The following RBPMS variants were observed in gnomAD, a reference collection of about 807,000 sequenced individuals.
The protein encoded by RBPMS is RNA binding protein, mRNA processing factor.
RBPMS carries 7 observed loss-of-function variants against 26.8 expected under a neutral mutation model. That is an observed-to-expected ratio of 0.26 (90% CI 0.15 to 0.49). The LOEUF (loss-of-function observed/expected upper bound fraction) is 0.49, where lower values mean the gene tolerates loss of function less well. Among genes scored for constraint, RBPMS ranks in the 20% least tolerant of loss-of-function variants. RBPMS has a pLI of 0.98. For missense variants in RBPMS, 186 were observed against 250.0 expected (o/e 0.74, Z 1.73); for synonymous variants, 96 against 93.3 (o/e 1.03, Z -0.17).
chr8:30,490,143 G>T (rs565676543), intron 4 of RBPMS, among the ~76,000 whole-genome samples: 2 of 152,176 alleles, frequency 1.3e-5, no homozygotes, highest in South Asian at 4.2e-4. Context: ...TAATTTTGGT[G>T]GAACCTCAAA....
At chr8:30,430,547 C>T (rs1357418951) in intron 1 of RBPMS, among the ~76,000 whole-genome samples, 1 of 152,130 alleles carries the variant, frequency 6.6e-6, no homozygotes, top group Non-Finnish European at 1.5e-5. Context: ...TATCAAAGAA[C>T]AAAAATGCAG....
At chr8:30,565,250 T>C (rs1827805547) in intron 7 of RBPMS, 2 of 152,226 alleles carry the variant, frequency 1.3e-5, no homozygotes, top group African/African-American at 4.8e-5. Flanking sequence ...GAAGGTAGTC[T>C]TCAGGCTCAC....
intron 7 of RBPMS, chr8:30,561,814 C>A: frequency 3.1e-6 from 3 of 972,236 alleles, no homozygotes; most frequent in Non-Finnish European, 3.7e-6. Context: ...GGGCTTTTTT[C>A]CCCTTAAGAA....
At chr8:30,465,369 G>T (rs1816381814) in intron 1 of RBPMS, among the ~76,000 whole-genome samples, 2 of 152,200 alleles carry the variant, frequency 1.3e-5, no homozygotes, top group African/African-American at 4.8e-5. Context: ...GTGTTCACAT[G>T]TGCAGACACT....
At chr8:30,544,765 A>G (rs750288584) in intron 6 of RBPMS, 141 bp downstream of exon 6, 3 of 1,597,032 alleles carry the variant, frequency 1.9e-6, no homozygotes, top group Non-Finnish European at 2.5e-6. Flanking sequence ...CCTCTAAATC[A>G]AGCTGACACT....
intron 6 of RBPMS, among the ~76,000 whole-genome samples, chr8:30,557,566 C>T (rs758237277): frequency 3.9e-4 from 59 of 152,166 alleles, no homozygotes; most frequent in Non-Finnish European, 6.8e-4. Context: ...GCCTCCCAGA[C>T]CCCCCTGCAC....
chr8:30,567,360 C>T (rs1190502015), intron 8 of RBPMS, among the ~76,000 whole-genome samples: 4 of 152,208 alleles, frequency 2.6e-5, no homozygotes, highest in Non-Finnish European at 5.9e-5. Flanking sequence ...AGAGCTTTCC[C>T]ACAGGAAGCC....
rs563916935 is a variant in RBPMS, at chr8:30,556,070, G to A, written c.529-2817G>A. On this transcript the variant is annotated intron_variant, in intron 6 of 8. Transcript: ENST00000397323. The stretch of plus-strand genomic sequence containing the variant: ...CGGAGCCTCTCAGGCTGGAAGAGGA[G>A]GCAGCCGTGGGTGTCTGTGGATGCG... 447 of 985,444 alleles carry A rather than the reference G, an allele frequency of 4.5e-4. 1 individual carries two copies. The highest frequency in any genetic ancestry group is 3.1e-3 in the Middle Eastern group (6 of 1,914). 61.0% of individuals were successfully genotyped at this position (985,444 alleles called of 1,614,324 possible). A position where few individuals can be genotyped will look rare whatever the true frequency, so the allele number is the denominator to read the frequency against.
intron 5 of RBPMS, among the ~76,000 whole-genome samples, chr8:30,506,336 T>TA (rs34344286): frequency 0.46 from 60,651 of 131,734 alleles, 13,935 homozygotes; most frequent in Middle Eastern, 0.55. Context: ...ATTTGAAGTT[T>TA]AAAAAAAAAA....
At chr8:30,420,838 G>A (rs1050760690) in intron 1 of RBPMS, among the ~76,000 whole-genome samples, 1 of 152,186 alleles carries the variant, frequency 6.6e-6, no homozygotes, top group Non-Finnish European at 1.5e-5. Context: ...TTGTAGCAGA[G>A]TAGTTCAGAG....
chr8:30,525,965 T>C (rs1461949244), intron 5 of RBPMS, among the ~76,000 whole-genome samples: 2 of 152,238 alleles, frequency 1.3e-5, no homozygotes, highest in Non-Finnish European at 2.9e-5. Flanking sequence ...TATTTGAAAA[T>C]ATTTGATGCA....
chr8:30,507,144 G>A (rs1821156817), intron 5 of RBPMS, among the ~76,000 whole-genome samples: 1 of 152,194 alleles, frequency 6.6e-6, no homozygotes, highest in Non-Finnish European at 1.5e-5. Flanking sequence ...CTGGGTAGAT[G>A]GTGGCCTGCT....
chr8:30,542,150 T>TA (rs1825451784), intron 5 of RBPMS, among the ~76,000 whole-genome samples: 2 of 152,224 alleles, frequency 1.3e-5, no homozygotes, highest in African/African-American at 4.8e-5. Flanking sequence ...ACTAATACGT[T>TA]ACTACTACTC....
At chr8:30,466,602 T>TC (rs1466898220) in intron 1 of RBPMS, among the ~76,000 whole-genome samples, 3 of 150,976 alleles carry the variant, frequency 2.0e-5, no homozygotes, top group African/African-American at 7.3e-5. Flanking sequence ...TTTTTCTTTT[T>TC]TTTTTTTTTT....
intron 4 of RBPMS, among the ~76,000 whole-genome samples, chr8:30,494,313 C>G (rs2150898293): frequency 6.6e-6 from 1 of 152,268 alleles, no homozygotes. Flanking sequence ...ATAGAAGAAC[C>G]TCTCCAAAAA....
intron 4 of RBPMS, among the ~76,000 whole-genome samples, chr8:30,488,108 G>A (rs1290910644): frequency 6.6e-6 from 1 of 151,890 alleles, no homozygotes; most frequent in Non-Finnish European, 1.5e-5. Flanking sequence ...TTTAAATCTG[G>A]TTTCTCCTTT....
intron 3 of RBPMS, 52 bp downstream of exon 3, chr8:30,477,889 A>G (rs1215460044): frequency 4.1e-6 from 5 of 1,224,308 alleles, no homozygotes; most frequent in Non-Finnish European, 4.8e-6. Context: ...TTCCTCAGGA[A>G]TATTGCTGGG....
chr8:30,556,431 G>A, intron 6 of RBPMS: 3 of 985,848 alleles, frequency 3.0e-6, no homozygotes, highest in Non-Finnish European at 3.6e-6. Flanking sequence ...CTGGGGCAGG[G>A]CTTCCTTCTC....
chr8:30,411,583 T>G (rs1809401212), intron 1 of RBPMS, among the ~76,000 whole-genome samples: 1 of 149,562 alleles, frequency 6.7e-6, no homozygotes, highest in Admixed American at 6.8e-5. Flanking sequence ...GAGGATTACT[T>G]GAGCCTGGGA....
Sources: allele counts gnomAD v4.1 joint callset (sites outside exome capture counted in the v4.1 genomes callset), GRCh38; gene constraint gnomAD v4.1.1; transcripts MANE v1.5; gene names NCBI Gene and HGNC (gene_info 2026-07-23, HGNC 2026-07-21).